COL5A1: variants seen among roughly 807,000 people sequenced by gnomAD.
The protein encoded by COL5A1 is collagen type V alpha 1 chain, also known as collagen alpha-1(V) chain.
In COL5A1, 16 loss-of-function variants were observed where a neutral mutation model predicts 263.7. The observed-to-expected ratio is 0.06, with a 90% CI of 0.04 to 0.09. The LOEUF is 0.09. COL5A1 is among the 10% of genes least tolerant of loss of function. COL5A1 has a pLI of 1.00. For missense variants in COL5A1, 2,036 were observed against 2,540.5 expected (o/e 0.80, Z 4.27); for synonymous variants, 1,012 against 1,004.5 (o/e 1.01, Z -0.14).
intron 2 of COL5A1, chr9:134,691,761 C>T (rs1833290568): frequency 6.5e-6 from 1 of 152,994 alleles, no homozygotes; most frequent in Non-Finnish European, 1.5e-5. Flanking sequence ...GCCACTTGCT[C>T]ATGGCCTGGA....
At position 134,678,016 on chromosome 9, in the gene COL5A1, C is replaced by T. The variant is rs1288276095; in HGVS notation, c.110-12896C>T. On this transcript the variant is annotated intron_variant, in intron 1 of 65. Transcript: ENST00000371817. The surrounding 1 kb of genome is among the most constrained non-coding windows in gnomAD (Gnocchi z 5.5). ...CTGAACATCCTGTGAAGAACAATTC[C>T]GCTCTTCCTCGGATTGAGCCTCGCT... is the stretch of plus-strand genomic sequence containing the variant. Among the ~76,000 whole-genome samples, 2 of 152,232 alleles carry T rather than the reference C, an allele frequency of 1.3e-5. No homozygotes were observed. Among genetic ancestry groups the T allele is most frequent in the Admixed American group, 6.5e-5 (1 of 15,284 alleles).
rs143613855 is a variant in COL5A1, at chr9:134,700,094, T to C, written c.463T>C (p.Phe155Leu). ...GCCTGGCCCGGAAGACTACCCCCTCTTCCGGGGCATCAACCTGTCAGATGG... is the reference window on the plus strand; with the variant it reads ...GCCTGGCCCGGAAGACTACCCCCTCCTCCGGGGCATCAACCTGTCAGATGG... ...GKPGPEDYPL[F>L]RGINLSDGKW... Residue 155 changes from phenylalanine (F) to leucine (L), a missense_variant, in exon 3 of 66, where the codon TTC (phenylalanine) becomes CTC (leucine). Phe to Leu is a conservative substitution (Grantham distance 22). This residue lies in a region of COL5A1 where 600 missense variants were observed against 634.5 expected (regional missense o/e 0.95). Coordinates refer to ENST00000371817, the MANE Select transcript of COL5A1 (RefSeq NM_000093.5). The surrounding 1 kb of genome is among the most constrained non-coding windows in gnomAD (Gnocchi z 4.0). 6 of 1,608,736 alleles carry C rather than the reference T, an allele frequency of 3.7e-6. No individual in the cohort carries two copies. Among genetic ancestry groups the C allele is most frequent in the Non-Finnish European group, 5.1e-6 (6 of 1,179,994 alleles).
In COL5A1 at chr9:134,836,704, G is replaced by A. The variant is rs150326190; in HGVS notation, c.5370+1500G>A. Among the ~76,000 whole-genome samples the A allele has an allele frequency of 4.8e-3, 732 of 152,336 alleles. 6 individuals are homozygous for A. Among genetic ancestry groups the A allele is most frequent in the Non-Finnish European group, 8.1e-3 (552 of 68,036 alleles). ...GCCTCCCCCTGCCCAGCATCGCTGCGGAGCACCTGGCCCTCACCCATAGGA... is the reference window on the plus strand; with the variant it reads ...GCCTCCCCCTGCCCAGCATCGCTGCAGAGCACCTGGCCCTCACCCATAGGA... On this transcript the variant is annotated intron_variant, in intron 65 of 65. Transcript: ENST00000371817.
chr9:134,750,344 G>A (rs185541857), intron 11 of COL5A1, among the ~76,000 whole-genome samples, 198 bp from the exon 12 acceptor site: 1 of 152,082 alleles, frequency 6.6e-6, no homozygotes, highest in African/African-American at 2.4e-5. Flanking sequence ...AAGCCTTTCC[G>A]ATCCTCAGCC....
At chr9:134,823,374 A>G in intron 60 of COL5A1, 42 bp from the exon 61 acceptor site, 1 of 1,610,788 alleles carries the variant, frequency 6.2e-7, no homozygotes, top group Non-Finnish European at 8.5e-7. Context: ...AAGTCCCCTC[A>G]TACCTCTGTG....
intron 1 of COL5A1, chr9:134,649,336 C>T (rs1284242805): frequency 2.7e-6 from 1 of 374,774 alleles, no homozygotes; most frequent in Non-Finnish European, 5.3e-6. Context: ...CAGTAAATGT[C>T]ACCATCCTTT....
intron 29 of COL5A1, among the ~76,000 whole-genome samples, chr9:134,783,599 G>A (rs761375684): frequency 1.6e-4 from 25 of 152,136 alleles, no homozygotes; most frequent in Non-Finnish European, 2.4e-4. Flanking sequence ...GACATCTGTC[G>A]GCTGCAGCAG....
intron 1 of COL5A1, among the ~76,000 whole-genome samples, chr9:134,685,106 CCATCCATT>C (rs1179722826): frequency 7.0e-5 from 10 of 143,438 alleles, no homozygotes; most frequent in Admixed American, 3.5e-4. Flanking sequence ...CATCCACCAT[CCATCCATT>C]CATCCATCCA....
At chr9:134,774,757 G>C (rs746949726) in intron 26 of COL5A1, 102 bp from the exon 27 acceptor site, 10 of 1,235,472 alleles carry the variant, frequency 8.1e-6, no homozygotes, top group Non-Finnish European at 1.2e-5. Context: ...TGTTCGCCCT[G>C]CTCTCAGCAG....
chr9:134,645,745 G>A (rs1564361949), intron 1 of COL5A1, among the ~76,000 whole-genome samples: 1 of 152,164 alleles, frequency 6.6e-6, no homozygotes, highest in South Asian at 2.1e-4. Context: ...ACGGCCCTTC[G>A]CCTGGCATGG....
chr9:134,808,417 G>A (rs1480249360), intron 42 of COL5A1, among the ~76,000 whole-genome samples: 2 of 152,186 alleles, frequency 1.3e-5, no homozygotes, highest in African/African-American at 2.4e-5. Flanking sequence ...ATGAATCAAA[G>A]TTACAAGGAC....
chr9:134,761,416 C>G (rs891720617), intron 18 of COL5A1, among the ~76,000 whole-genome samples: 3 of 152,268 alleles, frequency 2.0e-5, no homozygotes, highest in Admixed American at 6.5e-5. Context: ...TTATCCAAAG[C>G]TGCTACATGT....
intron 64 of COL5A1, among the ~76,000 whole-genome samples, chr9:134,832,156 A>G (rs977157925): frequency 6.6e-6 from 1 of 152,186 alleles, no homozygotes; most frequent in Non-Finnish European, 1.5e-5. Context: ...CTGTAATCCC[A>G]GCACTTTGGG....
intron 11 of COL5A1, among the ~76,000 whole-genome samples, chr9:134,744,577 A>G (rs1335719293): frequency 6.6e-6 from 1 of 150,906 alleles, no homozygotes; most frequent in East Asian, 2.0e-4. Flanking sequence ...ACATGCATGC[A>G]CACACACTTA....
At chr9:134,770,176 T>G (rs1292823317) in intron 25 of COL5A1, among the ~76,000 whole-genome samples, 1 of 152,250 alleles carries the variant, frequency 6.6e-6, no homozygotes, top group Admixed American at 6.5e-5. Context: ...AAAAGATGTT[T>G]AAAAATTCTC....
chr9:134,754,222 TC>T lies in COL5A1; in HGVS notation c.1774-49del. The stretch of plus-strand genomic sequence containing the variant: ...CACAGGGACAAGGCTTTGCTCTTTC[TC>T]CTGAGAAAGGCGGACTCGCCACTGA... On this transcript the variant is annotated intron_variant, in intron 15 of 65. Coordinates refer to ENST00000371817, the MANE Select transcript of COL5A1 (RefSeq NM_000093.5). This position sits in a 1 kb window ranked among gnomAD's most constrained non-coding sequence, Gnocchi z 4.3. 1 of 1,593,062 alleles carries T rather than the reference TC, an allele frequency of 6.3e-7. No individual in the cohort carries two copies. The highest frequency in any genetic ancestry group is 2.2e-5 in the East Asian group (1 of 44,800).
At position 134,811,247 on chromosome 9, in the gene COL5A1, A is replaced by T. The variant is rs1467809822; in HGVS notation, c.3529-92A>T. ...AGACTGAACTGACGACGTTGGATGC[A>T]TCAGTCCCCGGGCTCAGGATGCGGT... On this transcript the variant is annotated intron_variant, in intron 44 of 65. Coordinates refer to ENST00000371817, the MANE Select transcript of COL5A1 (RefSeq NM_000093.5). 3.5e-6 allele frequency: 4 copies of T among 1,144,052 alleles called. No homozygotes were observed. In the African/African-American group the frequency reaches 6.1e-5, roughly 17 times the overall value. 70.9% of individuals were successfully genotyped at this position (1,144,052 alleles called of 1,614,324 possible).
At chr9:134,731,718 A>G in intron 8 of COL5A1, 55 bp downstream of exon 8, 1 of 1,558,032 alleles carries the variant, frequency 6.4e-7, no homozygotes, top group East Asian at 2.3e-5. Flanking sequence ...GTGGGGCATC[A>G]TGGGGGCTCC....
chr9:134,766,638 A>C (rs1428580412), intron 22 of COL5A1, 140 bp downstream of exon 22: 7 of 850,466 alleles, frequency 8.2e-6, no homozygotes, highest in Non-Finnish European at 1.3e-5. Context: ...TGTGGTGCCC[A>C]CCCTCCAGTG....
Sources: allele counts gnomAD v4.1 joint callset (sites outside exome capture counted in the v4.1 genomes callset), GRCh38; gene constraint gnomAD v4.1.1; regional missense constraint gnomAD v4.1.1; non-coding constraint Gnocchi (gnomAD v3.1); transcripts MANE v1.5; gene names NCBI Gene and HGNC (gene_info 2026-07-23, HGNC 2026-07-21).